Variants in KAZN observed in about 807,000 individuals in gnomAD.
KAZN encodes the protein kazrin.
A neutral mutation model predicts 87.4 loss-of-function variants in KAZN; 40 were observed. The observed-to-expected ratio is 0.46, with a 90% CI of 0.36 to 0.60. The LOEUF is 0.60. Among genes scored for constraint, KAZN ranks in the 20% least tolerant of loss-of-function variants. KAZN has a pLI of 0.00. For synonymous variants in KAZN, 466 were observed against 458.3 expected (o/e 1.02, Z -0.22); for missense variants, 898 against 1,073.9 (o/e 0.84, Z 2.29).
chr1:14,121,030 C>T (rs1304827206), intron 1 of KAZN, among the ~76,000 whole-genome samples: 2 of 152,134 alleles, frequency 1.3e-5, no homozygotes, highest in Non-Finnish European at 2.9e-5. Flanking sequence ...GCCATCTTGG[C>T]ACTATGAGGC....
At chr1:14,406,882 ATAG>A (rs1378242807) in intron 2 of KAZN, among the ~76,000 whole-genome samples, 1 of 152,156 alleles carries the variant, frequency 6.6e-6, no homozygotes, top group Non-Finnish European at 1.5e-5. Flanking sequence ...ACAGCTAATA[ATAG>A]TAGATAGCTC....
intron 2 of KAZN, among the ~76,000 whole-genome samples, chr1:14,330,836 A>G (rs950284889): frequency 1.6e-4 from 25 of 152,300 alleles, no homozygotes; most frequent in African/African-American, 5.8e-4. Flanking sequence ...AAACAAAACT[A>G]TATGTGTAAA....
intron 1 of KAZN, among the ~76,000 whole-genome samples, chr1:14,029,637 G>A (rs915524668): frequency 2.6e-4 from 39 of 151,492 alleles, no homozygotes; most frequent in Admixed American, 1.3e-3. Flanking sequence ...AATCCATCTC[G>A]AATTGATTTT....
intron 8 of KAZN, among the ~76,000 whole-genome samples, chr1:15,089,841 G>A (rs1007382070): frequency 6.6e-6 from 1 of 151,460 alleles, no homozygotes; most frequent in Non-Finnish European, 1.5e-5. Context: ...TCAGTTCATT[G>A]GTGGAGATGA....
intron 1 of KAZN, among the ~76,000 whole-genome samples, chr1:13,985,512 C>G (rs1638972191): frequency 7.7e-6 from 1 of 130,054 alleles, no homozygotes; most frequent in South Asian, 2.4e-4. Flanking sequence ...ACAATGAGAA[C>G]ACATGGACAC....
In KAZN at chr1:14,438,336, C is replaced by A. The variant is rs548266891; in HGVS notation, c.250-160647C>A. On this transcript the variant is annotated intron_variant, in intron 2 of 16. Coordinates refer to the KAZN transcript ENST00000636203. ...AACATCCCTGCCCTCAGGAGGCTGA[C>A]TTTCTGGTGTCGGGAGAAGGGGAAT... 4.6e-5 allele frequency among the ~76,000 whole-genome samples: 7 copies of A among 152,326 alleles called. No homozygotes were observed. The East Asian group carries it at 1.3e-3, about 29-fold the overall frequency.
At chr1:14,047,065 G>A (rs372056797) in intron 1 of KAZN, among the ~76,000 whole-genome samples, 47 of 152,142 alleles carry the variant, frequency 3.1e-4, no homozygotes, top group African/African-American at 1.1e-3. Context: ...GTCCATCTGT[G>A]CATTCGTTCA....
intron 1 of KAZN, among the ~76,000 whole-genome samples, chr1:14,873,515 G>C (rs527721724): frequency 6.6e-6 from 1 of 152,304 alleles, no homozygotes; most frequent in South Asian, 2.1e-4. Context: ...AAAGCAGAGA[G>C]AACAGAAGAA....
intron 2 of KAZN, among the ~76,000 whole-genome samples, chr1:14,961,213 C>T (rs1162963854): frequency 1.3e-5 from 2 of 152,202 alleles, no homozygotes; most frequent in African/African-American, 2.4e-5. Context: ...TGGGGTCCTT[C>T]GGTGCCTCCA....
intron 2 of KAZN, among the ~76,000 whole-genome samples, chr1:14,508,297 C>G (rs1045018679): frequency 1.3e-5 from 2 of 152,134 alleles, no homozygotes; most frequent in Non-Finnish European, 2.9e-5. Flanking sequence ...AGACAGCCAA[C>G]CAGAGAGAGC....
At chr1:14,463,229 CTG>C (rs1667946364) in intron 2 of KAZN, among the ~76,000 whole-genome samples, 1 of 152,156 alleles carries the variant, frequency 6.6e-6, no homozygotes, top group African/African-American at 2.4e-5. Context: ...CATTCTTAAA[CTG>C]TCATGGTGCT....
chr1:15,070,832 C>A (rs913200585), intron 8 of KAZN, among the ~76,000 whole-genome samples: 1 of 152,106 alleles, frequency 6.6e-6, no homozygotes, highest in African/African-American at 2.4e-5. Context: ...CAGAGTGAGA[C>A]CCTGTCTATT....
intron 2 of KAZN, among the ~76,000 whole-genome samples, chr1:15,024,616 G>A (rs975403219): frequency 4.6e-5 from 7 of 152,222 alleles, no homozygotes; most frequent in African/African-American, 1.4e-4. Flanking sequence ...AGTTTCCAGC[G>A]GAGGGAAGGC....
In KAZN at chr1:14,735,868, G is replaced by A. The variant is rs955655907; in HGVS notation, c.226+136645G>A. 6.6e-6 allele frequency among the ~76,000 whole-genome samples: 1 copy of A among 152,200 alleles called. No individual in the cohort carries two copies. Among genetic ancestry groups the A allele is most frequent in the Non-Finnish European group, 1.5e-5 (1 of 68,036 alleles). On this transcript the variant is annotated intron_variant, in intron 1 of 14. Coordinates refer to ENST00000376030, the MANE Select transcript of KAZN (RefSeq NM_201628.3). This position sits in a 1 kb window ranked among gnomAD's most constrained non-coding sequence, Gnocchi z 4.3. ...TCCCCAGAGCCTTTGTGATTTGTAA[G>A]TTTCAGGCTTGAGCTTGAGGTTGGT...
chr1:14,469,086 G>C (rs1668311937), intron 2 of KAZN, among the ~76,000 whole-genome samples: 1 of 152,114 alleles, frequency 6.6e-6, no homozygotes, highest in Admixed American at 6.5e-5. Flanking sequence ...CTTTGAAAAT[G>C]CTTCTCTCAT....
At chr1:14,370,080 G>T (rs573480249) in intron 2 of KAZN, among the ~76,000 whole-genome samples, 26 of 152,290 alleles carry the variant, frequency 1.7e-4, no homozygotes, top group Admixed American at 7.8e-4. Context: ...CACCAAGAGG[G>T]TTAGACAAAA....
At chr1:14,265,067 C>G (rs901993133) in intron 2 of KAZN, among the ~76,000 whole-genome samples, 3 of 152,164 alleles carry the variant, frequency 2.0e-5, no homozygotes, top group Non-Finnish European at 4.4e-5. Flanking sequence ...TTATTTATAT[C>G]AATAATTTTA....
chr1:14,101,947 C>T (rs1471156662), intron 1 of KAZN, among the ~76,000 whole-genome samples: 3 of 152,122 alleles, frequency 2.0e-5, no homozygotes, highest in Non-Finnish European at 4.4e-5. Flanking sequence ...CATCTCAAGT[C>T]AAAGATCCCT....
chr1:15,027,703 G>A (rs948955544), intron 2 of KAZN, among the ~76,000 whole-genome samples: 7 of 152,210 alleles, frequency 4.6e-5, no homozygotes, highest in Admixed American at 1.3e-4. Flanking sequence ...AGCTGGGATC[G>A]TCTGACGTGG....
Sources: allele counts gnomAD v4.1 joint callset (sites outside exome capture counted in the v4.1 genomes callset), GRCh38; gene constraint gnomAD v4.1.1; non-coding constraint Gnocchi (gnomAD v3.1); transcripts MANE v1.5; gene names NCBI Gene and HGNC (gene_info 2026-07-23, HGNC 2026-07-21).